The following IARS2 variants were observed in gnomAD, a reference collection of about 807,000 sequenced individuals.
IARS2 encodes the protein isoleucyl-tRNA synthetase 2, mitochondrial.
IARS2 carries 56 observed loss-of-function variants against 126.3 expected under a neutral mutation model. The observed-to-expected ratio is 0.44, with a 90% CI of 0.36 to 0.55. The LOEUF (loss-of-function observed/expected upper bound fraction) is 0.55, where lower values mean the gene tolerates loss of function less well. Among genes scored for constraint, IARS2 ranks in the 20% least tolerant of loss-of-function variants. The probability of loss-of-function intolerance (pLI) is 0.00; values close to 1 mark genes in which losing one functional copy is unlikely to be tolerated. For synonymous variants in IARS2, 407 were observed against 441.1 expected, an observed-to-expected ratio of 0.92 and a Z score of 0.97; for missense variants, 1,127 against 1,245.9, an observed-to-expected ratio of 0.90 and a Z score of 1.44.
chr1:220,147,473 CTT>C lies in IARS2; in HGVS notation c.2897-19_2897-18del, dbSNP rs1657625123. On this transcript the variant is annotated intron_variant, in intron 22 of 22. Transcript: ENST00000366922. ...AAGTTGAATGCCTATCAGAAATACT[CTT>C]CATGTATTTTTTTATAGGTGGTGAT... The C allele has an allele frequency of 1.6e-5, 25 of 1,611,104 alleles. No individual in the cohort carries two copies. The highest frequency in any genetic ancestry group is 2.0e-5 in the Non-Finnish European group (24 of 1,177,454).
At chr1:220,120,443 C>T (rs975189973) in intron 12 of IARS2, among the ~76,000 whole-genome samples, 2 of 151,182 alleles carry the variant, frequency 1.3e-5, no homozygotes, top group Non-Finnish European at 2.9e-5. Flanking sequence ...GGTGCAATCT[C>T]GGCTCACTGC....
chr1:220,137,891 TTTA>T, intron 16 of IARS2, 24 bp from the exon 17 acceptor site: 1 of 1,613,058 alleles, frequency 6.2e-7, no homozygotes, highest in South Asian at 1.1e-5. Context: ...AGCCATTGTG[TTTA>T]TATATTTTTT....
chr1:220,128,257 G>C, intron 14 of IARS2, among the ~76,000 whole-genome samples: 1 of 149,542 alleles, frequency 6.7e-6, no homozygotes, highest in East Asian at 2.0e-4. Context: ...GTGGGGGGCT[G>C]GGGGGTTGGT....
intron 2 of IARS2, 53 bp from the exon 3 acceptor site, chr1:220,100,437 T>C (rs187496466): frequency 2.9e-6 from 4 of 1,397,668 alleles, no homozygotes; most frequent in Non-Finnish European, 3.9e-6. Flanking sequence ...GATTTTGAAA[T>C]ACATGGCCAA....
chr1:220,117,139 T>G (rs1489682256), intron 12 of IARS2, among the ~76,000 whole-genome samples: 2 of 151,720 alleles, frequency 1.3e-5, no homozygotes, highest in South Asian at 4.1e-4. Flanking sequence ...GGAAAGTTTT[T>G]TTTTTTTTTG....
intron 1 of IARS2, among the ~76,000 whole-genome samples, chr1:220,095,551 A>G (rs1183857959): frequency 1.3e-5 from 2 of 152,182 alleles, no homozygotes; most frequent in African/African-American, 4.8e-5. Context: ...TCCTCGTTTA[A>G]TCTTCACACC....
At chr1:220,144,423 T>A (rs928193037) in intron 21 of IARS2, 9 of 549,194 alleles carry the variant, frequency 1.6e-5, no homozygotes, top group Admixed American at 3.5e-5. Context: ...CTAAAAAACA[T>A]CCATCTTATT....
At position 220,094,239 on chromosome 1, in the gene IARS2, G is replaced by A. The variant is rs149324758; in HGVS notation, c.23G>A (p.Arg8His). The part of the protein sequence containing the change: MRWGLRP[R>H]GPGAAALATA... The stretch of plus-strand genomic sequence containing the variant: ...ACCATGCGTTGGGGGCTGCGCCCTC[G>A]CGGGCCGGGCGCGGCCGCCCTGGCC... The change falls in exon 1 of 23, where the codon CGC (arginine) becomes CAC (histidine). Residue 8 changes from arginine to histidine, a missense_variant. By Grantham distance (29) the Arg-to-His change is conservative. Coordinates refer to ENST00000366922, the MANE Select transcript of IARS2 (RefSeq NM_018060.4). The A allele has an allele frequency of 1.3e-6, 2 of 1,593,848 alleles. No individual in the cohort carries two copies. Among genetic ancestry groups the A allele is most frequent in the South Asian group, 1.1e-5 (1 of 89,134 alleles).
intron 12 of IARS2, among the ~76,000 whole-genome samples, chr1:220,122,365 A>C (rs929723693): frequency 6.6e-6 from 1 of 152,124 alleles, no homozygotes; most frequent in African/African-American, 2.4e-5. Flanking sequence ...CTAGTTCCTC[A>C]CTTCATCTCT....
intron 21 of IARS2, chr1:220,144,229 A>G: frequency 3.9e-6 from 3 of 769,770 alleles, no homozygotes; most frequent in Non-Finnish European, 7.1e-6. Context: ...ATGCTTCATC[A>G]TCACGGTGAG....
At chr1:220,145,410 T>C (rs1657566418) in intron 21 of IARS2, 99 bp from the exon 22 acceptor site, 1 of 1,071,416 alleles carries the variant, frequency 9.3e-7, no homozygotes, top group African/African-American at 1.6e-5. Context: ...TACCAGAAGG[T>C]TCCTCTCTAA....
At chr1:220,126,942 C>A in intron 14 of IARS2, 99 bp downstream of exon 14, 2 of 817,936 alleles carry the variant, frequency 2.4e-6, no homozygotes, top group Non-Finnish European at 3.9e-6. Context: ...TCTGTGTGTG[C>A]TTTATTTAGA....
intron 2 of IARS2, among the ~76,000 whole-genome samples, chr1:220,096,499 A>C (rs1445657323): frequency 1.3e-5 from 2 of 152,010 alleles, no homozygotes; most frequent in Non-Finnish European, 2.9e-5. Context: ...AGCAGTGGAC[A>C]AAAAAAAGGT....
intron 13 of IARS2, among the ~76,000 whole-genome samples, chr1:220,126,426 G>T (rs1012034437): frequency 1.3e-5 from 2 of 152,166 alleles, no homozygotes; most frequent in African/African-American, 4.8e-5. Context: ...GTGCCTAATG[G>T]TACATCAGGC....
In IARS2 at chr1:220,110,889, C is replaced by T. The variant is rs746741036; in HGVS notation, c.1431C>T (p.Ala477=). 1.3e-5 allele frequency: 21 copies of T among 1,613,746 alleles called. No homozygotes were observed. The Admixed American group carries it at 3.5e-4, about 27-fold the overall frequency. ...WRTKKPVVIR[A]SKQWFINITD... ...CCAAGAAACCTGTGGTTATTCGTGCCAGCAAGCAGTGGTTTATAAACATCA... is the reference window on the plus strand; with the variant it reads ...CCAAGAAACCTGTGGTTATTCGTGCTAGCAAGCAGTGGTTTATAAACATCA... Residue 477 remains alanine, a synonymous_variant, in exon 11 of 23, where the codon GCC becomes GCT. Transcript: ENST00000366922.
chr1:220,105,831 CT>C, intron 8 of IARS2, 59 bp from the exon 9 acceptor site: 2 of 1,421,820 alleles, frequency 1.4e-6, no homozygotes, highest in Non-Finnish European at 2.0e-6. Flanking sequence ...TATTGCTAAG[CT>C]TAAGGAGATA....
intron 18 of IARS2, 120 bp downstream of exon 18, chr1:220,139,259 A>G (rs1657440885): frequency 1.6e-6 from 1 of 634,272 alleles, no homozygotes. Context: ...GCACTCTTGA[A>G]GAGAAATATG....
intron 14 of IARS2, among the ~76,000 whole-genome samples, chr1:220,132,816 G>A (rs572572717): frequency 8.0e-4 from 121 of 151,980 alleles, no homozygotes; most frequent in African/African-American, 2.7e-3. Flanking sequence ...GTGAGCCACC[G>A]CACCCAGCCC....
In IARS2 at chr1:220,116,526, A is replaced by G. The variant is rs986375421; in HGVS notation, c.1640+2052A>G. 1.2e-4 allele frequency among the ~76,000 whole-genome samples: 19 copies of G among 152,080 alleles called. 1 individual carries two copies. The highest frequency in any genetic ancestry group is 2.2e-4 in the Non-Finnish European group (15 of 68,000). On this transcript the variant is annotated intron_variant, in intron 12 of 22. Transcript: ENST00000366922. ...TTAAGAAGTTTAAACTTTTAAGTAG[A>G]CTTGAGGAGTAAGAGTATGTTTTAG...
Sources: gnomAD v4.1 joint callset for allele counts (sites outside exome capture counted in the v4.1 genomes callset) on GRCh38, gnomAD v4.1.1 for gene constraint, MANE v1.5 for transcripts, NCBI Gene and HGNC (gene_info 2026-07-23, HGNC 2026-07-21) for gene names.